ITGB1BP1: variants seen among roughly 807,000 people sequenced by gnomAD.
ITGB1BP1 encodes integrin beta-1-binding protein 1.
A neutral mutation model predicts 28.0 loss-of-function variants in ITGB1BP1; 20 were observed. That is an observed-to-expected ratio of 0.71 (90% CI 0.50 to 1.04). The LOEUF is 1.04. Ranked by LOEUF, ITGB1BP1 falls within the 50% of genes least tolerant of loss-of-function variation. The pLI, the probability that ITGB1BP1 is intolerant of heterozygous loss-of-function variation, is 0.00. For synonymous variants in ITGB1BP1, 103 were observed against 89.5 expected, an observed-to-expected ratio of 1.15 and a Z score of -0.85; for missense variants, 228 against 242.5, an observed-to-expected ratio of 0.94 and a Z score of 0.40.
chr2:9,418,592 C>T, intron 2 of ITGB1BP1, 34 bp downstream of exon 2: 3 of 1,414,212 alleles, frequency 2.1e-6, no homozygotes, highest in Non-Finnish European at 3.0e-6. Flanking sequence ...ACTCTCCCTG[C>T]TTTATGATTC....
intron 5 of ITGB1BP1, 122 bp from the exon 6 acceptor site, chr2:9,407,720 G>T: frequency 1.9e-6 from 2 of 1,071,176 alleles, no homozygotes; most frequent in Non-Finnish European, 2.7e-6. Flanking sequence ...CTCACCCCAA[G>T]GGATGTCCTG....
rs79207841 is a variant in ITGB1BP1 at position 9,416,902 on chromosome 2, C to T, written c.72+1724G>A. ...CCTGGTATGTTAAGGGTTTAAGCTT[C>T]GATAACTCTCTTTTCCTCATACTCC... On this transcript the variant is annotated intron_variant, in intron 2 of 6. Transcript: ENST00000355346. Among the ~76,000 whole-genome samples the T allele has an allele frequency of 7.0e-4, 107 of 152,188 alleles. 2 individuals are homozygous for T. In the East Asian group the frequency reaches 0.014, roughly 20 times the overall value.
chr2:9,410,350 G>GC (rs1238942562), intron 4 of ITGB1BP1, among the ~76,000 whole-genome samples: 7 of 151,838 alleles, frequency 4.6e-5, no homozygotes, highest in African/African-American at 1.7e-4. Context: ...CCCTGCCTTG[G>GC]CCTTCTGAGT....
intron 4 of ITGB1BP1, among the ~76,000 whole-genome samples, chr2:9,410,006 A>C (rs543930655): frequency 6.6e-6 from 1 of 151,772 alleles, no homozygotes; most frequent in African/African-American, 2.4e-5. Flanking sequence ...CACCACACCC[A>C]ACTAATTTTT....
chr2:9,415,177 G>C lies in ITGB1BP1; in HGVS notation c.73-921C>G, dbSNP rs1052891380. Among the ~76,000 whole-genome samples, 3 of 152,222 alleles carry C rather than the reference G, an allele frequency of 2.0e-5. No individual in the cohort carries two copies. In the East Asian group the frequency reaches 5.8e-4, roughly 29 times the overall value. ...GTGGATCACCTGAGGTCAGGAGTTC[G>C]AGACCAGCCTGGCCAACATGGTAAA... On this transcript the variant is annotated intron_variant, in intron 2 of 6. Transcript: ENST00000355346. This position sits in a 1 kb window ranked among gnomAD's most constrained non-coding sequence, Gnocchi z 4.1.
intron 4 of ITGB1BP1, among the ~76,000 whole-genome samples, chr2:9,408,920 T>C (rs1477256513): frequency 6.6e-6 from 1 of 152,122 alleles, no homozygotes; most frequent in Non-Finnish European, 1.5e-5. Context: ...ATGAGAAAAA[T>C]GAAGATCTTC....
Position 9,423,370 on chromosome 2 carries a change from C to G in ITGB1BP1, c.-36+3G>C, listed in dbSNP as rs1680148939. The G allele has an allele frequency of 1.7e-6, 2 of 1,160,190 alleles. No homozygotes were observed. Among genetic ancestry groups the G allele is most frequent in the South Asian group, 3.2e-5 (2 of 63,344 alleles). The allele number at this position is 1,160,190 out of a possible 1,614,324, so 71.9% of individuals were successfully genotyped here. On this transcript the variant is annotated splice_donor_region_variant and intron_variant, in intron 1 of 6. Coordinates refer to ENST00000355346, the MANE Select transcript of ITGB1BP1 (RefSeq NM_004763.5). ...CCAAGCGGGACGAGGGCTGGGCGCT[C>G]ACCTCGCAGCCGCGGGCCCATCCCC...
Position 9,417,717 on chromosome 2 carries a change from C to A in ITGB1BP1, c.72+909G>T, listed in dbSNP as rs1048943227. ...TACAGGCATGAGCCACCGTGCCCGG[C>A]CTGAAAATAAGACCTTTTCTACCAG... is the stretch of plus-strand genomic sequence containing the variant. On this transcript the variant is annotated intron_variant, in intron 2 of 6. Transcript: ENST00000355346. Among the ~76,000 whole-genome samples, 10 of 152,192 alleles carry A rather than the reference C, an allele frequency of 6.6e-5. 1 individual carries two copies. The highest frequency in any genetic ancestry group is 1.3e-4 in the Admixed American group (2 of 15,288).
chr2:9,404,676 A>G lies in ITGB1BP1; in HGVS notation c.*2158T>C, dbSNP rs1677050378. The G allele has an allele frequency of 1.3e-5, 2 of 152,176 alleles. No individual in the cohort carries two copies. Among genetic ancestry groups the G allele is most frequent in the African/African-American group, 2.4e-5 (1 of 41,310 alleles). 9.4% of individuals were successfully genotyped at this position (152,176 alleles called of 1,614,324 possible). On this transcript the variant is annotated 3_prime_UTR_variant, in exon 7 of 7. Coordinates refer to ENST00000355346, the MANE Select transcript of ITGB1BP1 (RefSeq NM_004763.5). The stretch of plus-strand genomic sequence containing the variant: ...GTGAGGCAGCAATGCTGTTAACTGC[A>G]TTTGTTGTGATGGTGCATTTGATTG...
intron 5 of ITGB1BP1, 55 bp from the exon 6 acceptor site, chr2:9,407,653 C>T: frequency 6.3e-7 from 1 of 1,589,366 alleles, no homozygotes; most frequent in South Asian, 1.1e-5. Context: ...GTTTGTCAGT[C>T]CTGATGACAC....
intron 4 of ITGB1BP1, among the ~76,000 whole-genome samples, chr2:9,409,839 TTC>T (rs1678074821): frequency 2.1e-5 from 3 of 140,906 alleles, no homozygotes; most frequent in Admixed American, 7.2e-5. Context: ...CTACCGTGAG[TTC>T]TTTTTTTTTT....
rs1271947750 is a variant in ITGB1BP1 at position 9,404,300 on chromosome 2, G to A, written c.*2534C>T. The A allele has an allele frequency of 6.6e-6, 1 of 152,194 alleles. No homozygotes were observed. Among genetic ancestry groups the A allele is most frequent in the Non-Finnish European group, 1.5e-5 (1 of 68,038 alleles). The allele number at this position is 152,194 out of a possible 1,614,324, so 9.4% of individuals were successfully genotyped here. A position where few individuals can be genotyped will look rare whatever the true frequency, so the allele number is the denominator to read the frequency against. ...TTTCTATAATACTCCAACAGGAATG[G>A]TAGTCACACTGTCTTGAAATTGAAT... On this transcript the variant is annotated 3_prime_UTR_variant, in exon 7 of 7. Transcript: ENST00000355346.
In ITGB1BP1 at chr2:9,423,521, A is replaced by T; in HGVS notation, c.-184T>A. On this transcript the variant is annotated 5_prime_UTR_variant, in exon 1 of 7. Coordinates refer to ENST00000355346, the MANE Select transcript of ITGB1BP1 (RefSeq NM_004763.5). Reference sequence around the variant, plus strand: ...CCCACGTCCGCCGGGCCGCGCCTCCAAGACTATGCGCAGGCGCAGTCCTGA... The same window carrying T: ...CCCACGTCCGCCGGGCCGCGCCTCCTAGACTATGCGCAGGCGCAGTCCTGA... 8.4e-7 allele frequency: 1 copy of T among 1,193,430 alleles called. No individual in the cohort carries two copies. Among genetic ancestry groups the T allele is most frequent in the Non-Finnish European group, 1.1e-6 (1 of 923,030 alleles). 73.9% of individuals were successfully genotyped at this position (1,193,430 alleles called of 1,614,324 possible).
intron 4 of ITGB1BP1, among the ~76,000 whole-genome samples, chr2:9,410,099 C>G (rs1236214589): frequency 6.6e-6 from 1 of 152,168 alleles, no homozygotes; most frequent in Non-Finnish European, 1.5e-5. Flanking sequence ...CCCACCTCGG[C>G]CTCCCAAAGT....
At position 9,412,411 on chromosome 2, in the gene ITGB1BP1, G is replaced by A; in HGVS notation, c.152-6C>T. ...TGAATTATTGTTGCTTTGTCCTGAA[G>A]ATGAAAGAAAAGTGGTAAGACTTAA... On this transcript the variant is annotated splice_region_variant and splice_polypyrimidine_tract_variant and intron_variant, in intron 3 of 6. Transcript: ENST00000355346. 3.1e-6 allele frequency: 5 copies of A among 1,597,774 alleles called. No individual in the cohort carries two copies. Among genetic ancestry groups the A allele is most frequent in the Non-Finnish European group, 4.3e-6 (5 of 1,175,140 alleles).
At chr2:9,418,038 A>C (rs1433619562) in intron 2 of ITGB1BP1, among the ~76,000 whole-genome samples, 1 of 152,240 alleles carries the variant, frequency 6.6e-6, no homozygotes, top group African/African-American at 2.4e-5. Context: ...CATTCTTCTA[A>C]ACACCAACAA....
intron 2 of ITGB1BP1, 91 bp downstream of exon 2, chr2:9,418,535 T>G: frequency 2.3e-6 from 2 of 878,900 alleles, no homozygotes; most frequent in Non-Finnish European, 3.9e-6. Flanking sequence ...TCAGGAGATC[T>G]GCCCACGGTC....
intron 1 of ITGB1BP1, among the ~76,000 whole-genome samples, chr2:9,421,636 G>A (rs912407815): frequency 6.7e-6 from 1 of 149,878 alleles, no homozygotes; most frequent in African/African-American, 2.5e-5. Flanking sequence ...GCAGTGAGCC[G>A]AGATCGCGCC....
In ITGB1BP1 at chr2:9,404,455, A is replaced by G. The variant is rs1055238152; in HGVS notation, c.*2379T>C. 9.9e-5 allele frequency: 15 copies of G among 152,214 alleles called. No individual in the cohort carries two copies. The highest frequency in any genetic ancestry group is 3.6e-4 in the African/African-American group (15 of 41,456). The allele number at this position is 152,214 out of a possible 1,614,324, so 9.4% of individuals were successfully genotyped here. ...AAGCTACTTGGGGTGGTAGTAGAGG[A>G]TTAGGTTGTCTATTATAAAACCAAA... On this transcript the variant is annotated 3_prime_UTR_variant, in exon 7 of 7. Coordinates refer to ENST00000355346, the MANE Select transcript of ITGB1BP1 (RefSeq NM_004763.5).
Sources: allele counts gnomAD v4.1 joint callset (sites outside exome capture counted in the v4.1 genomes callset), GRCh38; gene constraint gnomAD v4.1.1; non-coding constraint Gnocchi (gnomAD v3.1); transcripts MANE v1.5; gene names NCBI Gene and HGNC (gene_info 2026-07-23, HGNC 2026-07-21).